Variants in GABRB1 observed in about 807,000 individuals in gnomAD.
The protein encoded by GABRB1 is gamma-aminobutyric acid receptor subunit beta-1.
GABRB1 carries 17 observed loss-of-function variants against 51.6 expected under a neutral mutation model. The observed-to-expected ratio is 0.33, with a 90% confidence interval of 0.23 to 0.49. The LOEUF (loss-of-function observed/expected upper bound fraction) is 0.49, where lower values mean the gene tolerates loss of function less well. GABRB1 is among the 20% of genes least tolerant of loss of function. The pLI is 0.99. For missense variants in GABRB1, 410 were observed against 600.6 expected, an observed-to-expected ratio of 0.68 and a Z score of 3.32; for synonymous variants, 247 against 218.9, an observed-to-expected ratio of 1.13 and a Z score of -1.14.
At chr4:47,413,270 C>T (rs757967691) in intron 8 of GABRB1, among the ~76,000 whole-genome samples, 2 of 152,132 alleles carry the variant, frequency 1.3e-5, no homozygotes, top group African/African-American at 4.8e-5. Context: ...ATTTTATAAA[C>T]TTCTTCATAT....
chr4:47,101,070 T>A (rs1162006683), intron 3 of GABRB1, among the ~76,000 whole-genome samples: 1 of 151,950 alleles, frequency 6.6e-6, no homozygotes, highest in African/African-American at 2.4e-5. Flanking sequence ...AAGGTTGGTC[T>A]TAGTCCTGCA....
intron 3 of GABRB1, among the ~76,000 whole-genome samples, chr4:47,038,957 A>C (rs1725712715): frequency 6.6e-6 from 1 of 152,144 alleles, no homozygotes; most frequent in African/African-American, 2.4e-5. Flanking sequence ...TCCTTTTCCC[A>C]AAATACTTCT....
chr4:47,150,699 GC>G (rs1382334656), intron 3 of GABRB1, among the ~76,000 whole-genome samples: 1 of 151,602 alleles, frequency 6.6e-6, no homozygotes, highest in Non-Finnish European at 1.5e-5. Flanking sequence ...ACACAAAATT[GC>G]CTACCACATT....
chr4:47,193,815 G>A (rs1719542151), intron 4 of GABRB1, among the ~76,000 whole-genome samples: 1 of 152,130 alleles, frequency 6.6e-6, no homozygotes, highest in Non-Finnish European at 1.5e-5. Flanking sequence ...TCCATTCCAT[G>A]ATTCTTCACT....
At chr4:47,030,266 G>T (rs550326124), upstream of GABRB1, among the ~76,000 whole-genome samples, 6 of 152,148 alleles carry the variant, frequency 3.9e-5, 1 homozygote, top group East Asian at 7.7e-4. Context: ...AGGTACATTA[G>T]AATTTTTTGT....
chr4:47,144,241 T>G (rs1019870706), intron 3 of GABRB1, among the ~76,000 whole-genome samples: 2 of 151,994 alleles, frequency 1.3e-5, no homozygotes, highest in Admixed American at 1.3e-4. Flanking sequence ...GGTAGCTATT[T>G]TCCTATGGTT....
At chr4:47,341,556 G>A (rs1361472728) in intron 5 of GABRB1, among the ~76,000 whole-genome samples, 2 of 152,110 alleles carry the variant, frequency 1.3e-5, no homozygotes, top group African/African-American at 2.4e-5. Context: ...CTGCAAGCTA[G>A]GTCTTCACTC....
intron 3 of GABRB1, among the ~76,000 whole-genome samples, chr4:47,114,279 C>T (rs560225097): frequency 7.9e-5 from 12 of 152,282 alleles, no homozygotes; most frequent in Admixed American, 3.3e-4. Context: ...TCTGAATGCA[C>T]GCAGGGTTTG....
chr4:47,188,319 A>G (rs1355649934), intron 4 of GABRB1, among the ~76,000 whole-genome samples: 1 of 152,028 alleles, frequency 6.6e-6, no homozygotes, highest in Non-Finnish European at 1.5e-5. Context: ...CAGTGAAGTT[A>G]GCTTCATTAT....
chr4:47,425,788 A>G lies in GABRB1; in HGVS notation c.1195A>G (p.Ser399Gly), dbSNP rs768660179. ...CAAGGCCACCATGTACTCCTATGACAGCGCCAGCATCCAGTACCGCAAGCC... is the reference window on the plus strand; with the variant it reads ...CAAGGCCACCATGTACTCCTATGACGGCGCCAGCATCCAGTACCGCAAGCC... ...DPKATMYSYDSASIQYRKPLS... is the reference protein window; with the variant it reads ...DPKATMYSYDGASIQYRKPLS... The change falls in exon 9 of 9, where the codon AGC becomes GGC. Residue 399 changes from serine (S) to glycine (G), a missense_variant. Ser to Gly is a moderately conservative substitution (Grantham distance 56). This residue lies in a region of GABRB1 where 181 missense variants were observed against 195.6 expected (regional missense o/e 0.93). Coordinates refer to ENST00000295454, the MANE Select transcript of GABRB1 (RefSeq NM_000812.4). 1.9e-6 allele frequency: 3 copies of G among 1,614,034 alleles called. No homozygotes were observed. The highest frequency in any genetic ancestry group is 1.3e-5 in the African/African-American group (1 of 74,934).
intron 4 of GABRB1, among the ~76,000 whole-genome samples, chr4:47,268,948 C>A (rs1415645342): frequency 6.6e-6 from 1 of 152,158 alleles, no homozygotes; most frequent in Non-Finnish European, 1.5e-5. Flanking sequence ...AACTGTGTTT[C>A]ATGCAAAATG....
intron 3 of GABRB1, among the ~76,000 whole-genome samples, chr4:47,090,256 A>T (rs1728239793): frequency 6.6e-6 from 1 of 152,260 alleles, no homozygotes; most frequent in African/African-American, 2.4e-5. Flanking sequence ...AAAATGTCTA[A>T]TGCAATCAAT....
intron 4 of GABRB1, among the ~76,000 whole-genome samples, chr4:47,255,066 A>C (rs574459106): frequency 1.3e-5 from 2 of 152,196 alleles, no homozygotes; most frequent in African/African-American, 2.4e-5. Flanking sequence ...AAAAGAATTC[A>C]GGTAATTGCT....
At position 47,132,415 on chromosome 4, in the gene GABRB1, TG is replaced by T. The variant is rs1427505224; in HGVS notation, c.241-28832del. ...TGTTTTGGTTTGGTTTGGTTTGGTT[TG>T]GTTTGGTTTGGTTTGGTTTGGTTTG... On this transcript the variant is annotated intron_variant, in intron 3 of 8. Transcript: ENST00000295454. 1.6e-3 allele frequency among the ~76,000 whole-genome samples: 248 copies of T among 151,276 alleles called. 1 individual carries two copies. Among genetic ancestry groups the T allele is most frequent in the African/African-American group, 5.5e-3 (224 of 40,876 alleles).
intron 4 of GABRB1, among the ~76,000 whole-genome samples, chr4:47,242,619 A>G (rs1048559103): frequency 2.6e-5 from 4 of 152,154 alleles, no homozygotes; most frequent in African/African-American, 4.8e-5. Flanking sequence ...GTTTTGATTT[A>G]CATTTCTCTG....
At chr4:47,254,361 GTTTTTTTTTTTTTTTTTTT>G (rs56838956) in intron 4 of GABRB1, among the ~76,000 whole-genome samples, 1 of 80,966 alleles carries the variant, frequency 1.2e-5, no homozygotes, top group African/African-American at 5.2e-5. Context: ...TCTTTTCTTT[GTTTTTTTTTTTTTTTTTTT>G]TTTTTTTTTT....
At chr4:47,139,662 T>C (rs1716827852) in intron 3 of GABRB1, among the ~76,000 whole-genome samples, 1 of 152,066 alleles carries the variant, frequency 6.6e-6, no homozygotes, top group Admixed American at 6.6e-5. Context: ...TTGACAGGAT[T>C]GAAATGAGTA....
intron 3 of GABRB1, among the ~76,000 whole-genome samples, chr4:47,119,423 A>G (rs1341217571): frequency 6.6e-6 from 1 of 152,144 alleles, no homozygotes; most frequent in African/African-American, 2.4e-5. Context: ...ATTTGACCAC[A>G]TTAAAATAAA....
chr4:47,064,331 T>C (rs1703055731), intron 3 of GABRB1, among the ~76,000 whole-genome samples: 2 of 152,152 alleles, frequency 1.3e-5, no homozygotes, highest in South Asian at 4.1e-4. Context: ...CTTTACCTTA[T>C]TTTTCTTCAA....
Sources: gnomAD v4.1 joint callset for allele counts (sites outside exome capture counted in the v4.1 genomes callset) on GRCh38, gnomAD v4.1.1 for gene constraint, gnomAD v4.1.1 regional missense constraint, MANE v1.5 for transcripts, NCBI Gene and HGNC (gene_info 2026-07-23, HGNC 2026-07-21) for gene names.